Variants in CNTN4 observed in about 807,000 individuals in gnomAD.
The protein encoded by CNTN4 is contactin-4.
CNTN4 carries 77 observed loss-of-function variants against 122.5 expected under a neutral mutation model. That is an observed-to-expected ratio of 0.63 (90% CI 0.52 to 0.76). The LOEUF is 0.76. Among genes scored for constraint, CNTN4 ranks in the 30% least tolerant of loss-of-function variants. CNTN4 has a pLI of 0.00. For missense variants in CNTN4, 1,256 were observed against 1,259.1 expected, an observed-to-expected ratio of 1.00 and a Z score of 0.04; for synonymous variants, 512 against 447.0, an observed-to-expected ratio of 1.15 and a Z score of -1.83.
chr3:2,231,009 A>C (rs2039465177), intron 2 of CNTN4, among the ~76,000 whole-genome samples: 1 of 152,166 alleles, frequency 6.6e-6, no homozygotes, highest in Non-Finnish European at 1.5e-5. Flanking sequence ...ACAAAACAAA[A>C]GAAATATGAT....
chr3:2,403,125 G>A (rs868518110), intron 3 of CNTN4, among the ~76,000 whole-genome samples: 13 of 151,886 alleles, frequency 8.6e-5, no homozygotes, highest in African/African-American at 1.9e-4. Context: ...GTATCACGCC[G>A]AGCTCTGCTT....
chr3:2,756,978 C>A (rs963648070), intron 6 of CNTN4, among the ~76,000 whole-genome samples: 4 of 152,054 alleles, frequency 2.6e-5, no homozygotes, highest in Non-Finnish European at 1.5e-5. Context: ...ATGCACAATT[C>A]TTTTTCATTT....
intron 16 of CNTN4, among the ~76,000 whole-genome samples, chr3:3,033,065 T>C (rs1240584823): frequency 2.6e-5 from 4 of 152,216 alleles, no homozygotes; most frequent in Non-Finnish European, 4.4e-5. Flanking sequence ...ATCGATTTAA[T>C]TCTTTGAAGA....
chr3:2,575,982 A>C (rs562673348), intron 4 of CNTN4, among the ~76,000 whole-genome samples: 111 of 151,766 alleles, frequency 7.3e-4, no homozygotes, highest in African/African-American at 1.9e-3. Flanking sequence ...CTACAGGCAC[A>C]TGCCACCATG....
intron 3 of CNTN4, among the ~76,000 whole-genome samples, chr3:2,340,708 T>TAGAGAGAGAGAGAGAGAG (rs1414538595): frequency 3.9e-5 from 1 of 25,362 alleles, no homozygotes; most frequent in Non-Finnish European, 1.1e-4. Flanking sequence ...TATATATATA[T>TAGAGAGAGAGAGAGAGAG]ATAGAGAGAG....
At chr3:2,453,129 A>G (rs947908565) in intron 3 of CNTN4, among the ~76,000 whole-genome samples, 1 of 152,118 alleles carries the variant, frequency 6.6e-6, no homozygotes, top group South Asian at 2.1e-4. Flanking sequence ...ACAGTGACCT[A>G]ATTTGTGGAA....
chr3:2,348,377 T>C (rs1179678531), intron 3 of CNTN4, among the ~76,000 whole-genome samples: 1 of 152,168 alleles, frequency 6.6e-6, no homozygotes, highest in Non-Finnish European at 1.5e-5. Context: ...AATCTGTGTT[T>C]TATATAGGGA....
chr3:3,014,047 TACACACACACACACACAC>T lies in CNTN4; in HGVS notation c.1487-12032_1487-12015del, dbSNP rs10546128. 1.0e-3 allele frequency among the ~76,000 whole-genome samples: 151 copies of T among 146,518 alleles called. 1 individual carries two copies. Among genetic ancestry groups the T allele is most frequent in the African/African-American group, 2.7e-3 (108 of 39,536 alleles). Reference sequence around the variant, plus strand: ...TTATTGAGGAACAGACATTTAAATGTACACACACACACACACACACACACACACACACACACACACCCC... The same window carrying T: ...TTATTGAGGAACAGACATTTAAATGTACACACACACACACACACACACCCC... On this transcript the variant is annotated intron_variant, in intron 14 of 24. Transcript: ENST00000418658.
In CNTN4 at chr3:2,305,369, G is replaced by C. The variant is rs554460859; in HGVS notation, c.-144-33809G>C. ...TTCACAGCACACTTGTTTCAGGCAA[G>C]TCTCTGAGAATTATTTTATTTATTG... On this transcript the variant is annotated intron_variant, in intron 2 of 24. Transcript: ENST00000418658. Among the ~76,000 whole-genome samples, 5 of 152,238 alleles carry C rather than the reference G, an allele frequency of 3.3e-5. No homozygotes were observed. The South Asian group carries it at 1.0e-3, about 32-fold the overall frequency.
intron 6 of CNTN4, among the ~76,000 whole-genome samples, chr3:2,761,438 C>CTGTGTGTGTGTGTG (rs113454553): frequency 2.3e-4 from 21 of 92,768 alleles, no homozygotes; most frequent in African/African-American, 4.0e-4. Flanking sequence ...TAAGTGTAAC[C>CTGTGTGTGTGTGTG]TGTGTGTGTG....
At chr3:2,719,480 A>G (rs1471444678) in intron 4 of CNTN4, among the ~76,000 whole-genome samples, 2 of 152,002 alleles carry the variant, frequency 1.3e-5, no homozygotes, top group Non-Finnish European at 1.5e-5. Flanking sequence ...CAGAGACAGG[A>G]TTTCACCATG....
intron 4 of CNTN4, among the ~76,000 whole-genome samples, chr3:2,664,831 T>C (rs1319130419): frequency 6.6e-6 from 1 of 152,196 alleles, no homozygotes; most frequent in African/African-American, 2.4e-5. Context: ...TTTAAAGTAA[T>C]AGAATGCGAT....
intron 4 of CNTN4, among the ~76,000 whole-genome samples, chr3:2,636,207 C>A (rs2082650830): frequency 6.6e-6 from 1 of 152,138 alleles, no homozygotes; most frequent in African/African-American, 2.4e-5. Context: ...GTATTGGTAA[C>A]AAAAGCTTCC....
At chr3:2,982,364 G>A (rs1694108150) in intron 13 of CNTN4, among the ~76,000 whole-genome samples, 1 of 152,088 alleles carries the variant, frequency 6.6e-6, no homozygotes, top group African/African-American at 2.4e-5. Flanking sequence ...TGTTGTCAGG[G>A]CTGAAAACTC....
rs1346344888 is a variant in CNTN4, at chr3:2,883,187, C to T, written c.695C>T (p.Pro232Leu). The change falls in exon 9 of 25, where the codon CCA (proline) becomes CTA (leucine). Residue 232 changes from proline to leucine, a missense_variant. Physicochemically the swap from Pro to Leu is moderately conservative, Grantham distance 98 (BLOSUM62 -3). Transcript: ENST00000418658. ...EYEPKIEVQF[P>L]ETVPTAKGAT... is the part of the protein sequence containing the mutation. ...GAGCCCAAAATAGAAGTGCAGTTCC[C>T]AGAAACAGTTCCGACTGCAAAAGGA... 2.5e-6 allele frequency: 4 copies of T among 1,613,832 alleles called. No homozygotes were observed. Among genetic ancestry groups the T allele is most frequent in the Non-Finnish European group, 3.4e-6 (4 of 1,179,848 alleles).
intron 13 of CNTN4, among the ~76,000 whole-genome samples, chr3:2,971,953 G>T (rs1042365268): frequency 3.3e-5 from 5 of 152,074 alleles, no homozygotes; most frequent in African/African-American, 4.8e-5. Flanking sequence ...AAACCTGAAT[G>T]CTTATATAAA....
intron 3 of CNTN4, among the ~76,000 whole-genome samples, chr3:2,409,332 C>T (rs542184367): frequency 1.4e-3 from 207 of 150,784 alleles, no homozygotes; most frequent in Non-Finnish European, 1.9e-3. Context: ...ACTGCAAGCT[C>T]CGCCTCCCGG....
At chr3:2,830,056 C>T (rs980309124) in intron 7 of CNTN4, among the ~76,000 whole-genome samples, 1 of 152,110 alleles carries the variant, frequency 6.6e-6, no homozygotes, top group Admixed American at 6.5e-5. Flanking sequence ...TAAAAAATAG[C>T]AGAAATAAAT....
In CNTN4 at chr3:2,633,283, C is replaced by T. The variant is rs139724427; in HGVS notation, c.55+61725C>T. Among the ~76,000 whole-genome samples the T allele has an allele frequency of 8.9e-3, 1,356 of 152,250 alleles. 20 individuals carry two copies. The highest frequency in any genetic ancestry group is 0.03 in the African/African-American group (1,264 of 41,546). On this transcript the variant is annotated intron_variant, in intron 4 of 24. Transcript: ENST00000418658. The stretch of plus-strand genomic sequence containing the variant: ...CACCCAGGATGCAGAACAATCACTG[C>T]CCTTGCCTGCTAGCTAGGCACTGGA...
Sources: gnomAD v4.1 joint callset for allele counts (sites outside exome capture counted in the v4.1 genomes callset) on GRCh38, gnomAD v4.1.1 for gene constraint, MANE v1.5 for transcripts, NCBI Gene and HGNC (gene_info 2026-07-23, HGNC 2026-07-21) for gene names.